Variants in ZNF585A observed in about 807,000 individuals in gnomAD.
The protein encoded by ZNF585A is zinc finger protein 585A.
Under a neutral mutation model 14.9 loss-of-function variants are expected in ZNF585A, and 9 were observed. The ratio of observed to expected loss-of-function variants is 0.60; its 90% confidence interval spans 0.36 to 1.05. The LOEUF (loss-of-function observed/expected upper bound fraction) is 1.05, where lower values mean the gene tolerates loss of function less well. Among genes scored for constraint, ZNF585A ranks in the 50% least tolerant of loss-of-function variants. The probability of loss-of-function intolerance (pLI) is 0.01; values close to 1 mark genes in which losing one functional copy is unlikely to be tolerated. For missense variants in ZNF585A, 726 were observed against 926.4 expected, an observed-to-expected ratio of 0.78 and a Z score of 2.81; for synonymous variants, 276 against 319.9, an observed-to-expected ratio of 0.86 and a Z score of 1.46.
intron 3 of ZNF585A, 125 bp downstream of exon 3, chr19:37,156,104 A>C: frequency 1.3e-6 from 2 of 1,552,130 alleles, no homozygotes; most frequent in Non-Finnish European, 1.7e-6. Context: ...CTAAACAAAT[A>C]AAGAATCCTA....
chr19:37,159,248 CAAAAAA>C (rs768272181), intron 2 of ZNF585A, among the ~76,000 whole-genome samples: 4 of 69,356 alleles, frequency 5.8e-5, no homozygotes, highest in African/African-American at 2.0e-4. Flanking sequence ...GACTCCATCT[CAAAAAA>C]AAAAAAAAAA....
chr19:37,164,641 G>C (rs937431527), intron 2 of ZNF585A, among the ~76,000 whole-genome samples: 1 of 152,086 alleles, frequency 6.6e-6, no homozygotes, highest in Non-Finnish European at 1.5e-5. Flanking sequence ...CTCTCGAAAA[G>C]TAAATTTCTC....
In ZNF585A at chr19:37,151,565, G is replaced by C. The variant is rs111776093; in HGVS notation, c.*24C>G. On this transcript the variant is annotated 3_prime_UTR_variant, in exon 5 of 5. Transcript: ENST00000292841. The stretch of plus-strand genomic sequence containing the variant: ...GTGTACAATCAGACCCAACCCTCAG[G>C]GGGGTTTTCTCACACTGTTTCTCTC... The C allele has an allele frequency of 6.3e-7, 1 of 1,589,898 alleles. No homozygotes were observed. Among genetic ancestry groups the C allele is most frequent in the Non-Finnish European group, 8.6e-7 (1 of 1,167,558 alleles).
intron 2 of ZNF585A, among the ~76,000 whole-genome samples, chr19:37,163,371 C>T (rs1042682549): frequency 6.7e-6 from 1 of 149,478 alleles, no homozygotes; most frequent in Non-Finnish European, 1.5e-5. Context: ...CAATTAACTG[C>T]TTAGGGAAAA....
At chr19:37,162,978 C>CA (rs938206158) in intron 2 of ZNF585A, among the ~76,000 whole-genome samples, 2 of 150,426 alleles carry the variant, frequency 1.3e-5, no homozygotes, top group African/African-American at 4.9e-5. Context: ...AAACTTAAAC[C>CA]AAAAAAAAAG....
chr19:37,165,771 C>T, intron 2 of ZNF585A: 1 of 418,310 alleles, frequency 2.4e-6, no homozygotes, highest in Non-Finnish European at 3.2e-6. Flanking sequence ...CCCAAAACTT[C>T]AGCATAATGA....
intron 2 of ZNF585A, among the ~76,000 whole-genome samples, chr19:37,164,272 G>C (rs1054894239): frequency 6.6e-6 from 1 of 151,970 alleles, no homozygotes; most frequent in Non-Finnish European, 1.5e-5. Flanking sequence ...GCGTGGTGGC[G>C]GGCGCCTGTA....
Position 37,147,466 on chromosome 19 carries a change from G to A in ZNF585A, c.*4123C>T, listed in dbSNP as rs1392950307. The A allele has an allele frequency of 6.6e-6, 1 of 152,102 alleles. No homozygotes were observed. The highest frequency in any genetic ancestry group is 1.5e-5 in the Non-Finnish European group (1 of 68,020). 9.4% of individuals were successfully genotyped at this position (152,102 alleles called of 1,614,324 possible). Reference sequence around the variant, plus strand: ...AGACTCTCTGGCCTCTTTTATTGTAGTTATATCTTTACACTACAAACATTA... The same window carrying A: ...AGACTCTCTGGCCTCTTTTATTGTAATTATATCTTTACACTACAAACATTA... On this transcript the variant is annotated 3_prime_UTR_variant, in exon 5 of 5. Coordinates refer to ENST00000292841, the MANE Select transcript of ZNF585A (RefSeq NM_001288800.2).
Position 37,147,780 on chromosome 19 carries a change from T to C in ZNF585A, c.*3809A>G, listed in dbSNP as rs1568490682. The C allele has an allele frequency of 6.6e-6, 1 of 152,338 alleles. No individual in the cohort carries two copies. The highest frequency in any genetic ancestry group is 1.9e-4 in the East Asian group (1 of 5,184). The allele number at this position is 152,338 out of a possible 1,614,324, so 9.4% of individuals were successfully genotyped here. On this transcript the variant is annotated 3_prime_UTR_variant, in exon 5 of 5. Transcript: ENST00000292841. Reference sequence around the variant, plus strand: ...CTTATAAATCTTTTATCAAATGTAATTCAAGTTATCACATGGTTTACCTAA... The same window carrying C: ...CTTATAAATCTTTTATCAAATGTAACTCAAGTTATCACATGGTTTACCTAA...
At chr19:37,168,668 A>G (rs1972134260) in intron 2 of ZNF585A, among the ~76,000 whole-genome samples, 2 of 152,386 alleles carry the variant, frequency 1.3e-5, no homozygotes, top group South Asian at 4.1e-4. Flanking sequence ...GTTCAGTGAA[A>G]TTCAGCTAGA....
chr19:37,152,421 G>A lies in ZNF585A; in HGVS notation c.1478C>T (p.Ser493Phe). 2 of 1,613,974 alleles carry A rather than the reference G, an allele frequency of 1.2e-6. No individual in the cohort carries two copies. Among genetic ancestry groups the A allele is most frequent in the Non-Finnish European group, 1.7e-6 (2 of 1,179,998 alleles). ...CTTTCCACATTTGGAACATATATAA[G>A]ATTTCTCTCCTGTATGAGTTTTCTG... The part of the protein sequence containing the change: ...THQKTHTGEK[S>F]YICSKCGKAF... The change falls in exon 5 of 5, where the codon TCT (serine) becomes TTT (phenylalanine). Residue 493 changes from serine (S) to phenylalanine (F), a missense_variant. Around this residue, in one of 2 missense-constraint regions of ZNF585A, gnomAD observed 243 missense variants for 383.6 expected, o/e 0.63. Transcript: ENST00000292841.
intron 2 of ZNF585A, among the ~76,000 whole-genome samples, chr19:37,167,589 T>TTTTATTTTA (rs1972113757): frequency 4.2e-5 from 6 of 144,154 alleles, no homozygotes; most frequent in African/African-American, 1.3e-4. Flanking sequence ...TTACTTTTTA[T>TTTTATTTTA]TTTTATTTTA....
chr19:37,153,218 T>C lies in ZNF585A; in HGVS notation c.681A>G (p.Ser227=), dbSNP rs768774194. Residue 227 remains serine (S), a synonymous_variant, in exon 5 of 5, where the codon TCA becomes TCG. Coordinates refer to ENST00000292841, the MANE Select transcript of ZNF585A (RefSeq NM_001288800.2). ...SQCGKGFSYN[S]DLSIHEKIHT... ...GAATTTTCTCATGTATACTGAGATC[T>C]GAGTTATAAGAGAAGCCTTTCCCAC... 6.2e-7 allele frequency: 1 copy of C among 1,614,240 alleles called. No homozygotes were observed. Among genetic ancestry groups the C allele is most frequent in the South Asian group, 1.1e-5 (1 of 91,084 alleles).
chr19:37,155,644 C>T (rs1410592711), intron 4 of ZNF585A, among the ~76,000 whole-genome samples: 1 of 151,842 alleles, frequency 6.6e-6, no homozygotes, highest in Non-Finnish European at 1.5e-5. Context: ...AACACAGCCC[C>T]GGCTGCGACC....
chr19:37,168,951 G>A (rs1172816113), intron 2 of ZNF585A, among the ~76,000 whole-genome samples: 2 of 152,136 alleles, frequency 1.3e-5, no homozygotes, highest in East Asian at 3.8e-4. Context: ...CCTGTATGTT[G>A]AGAAACATGG....
rs1316437575 is a variant in ZNF585A at position 37,169,948 on chromosome 19, C to G, written c.-38G>C. The G allele has an allele frequency of 4.4e-6, 7 of 1,600,120 alleles. No individual in the cohort carries two copies. The highest frequency in any genetic ancestry group is 6.0e-6 in the Non-Finnish European group (7 of 1,175,918). ...TCTCAACCCTTTTTCTGTAGGGTGTCTGAAGCTTGGCAGTCATCTGTGAAC... is the reference window on the plus strand; with the variant it reads ...TCTCAACCCTTTTTCTGTAGGGTGTGTGAAGCTTGGCAGTCATCTGTGAAC... On this transcript the variant is annotated 5_prime_UTR_variant, in exon 2 of 5. Coordinates refer to ENST00000292841, the MANE Select transcript of ZNF585A (RefSeq NM_001288800.2).
At chr19:37,161,641 CAA>C (rs1972015090) in intron 2 of ZNF585A, among the ~76,000 whole-genome samples, 1 of 152,130 alleles carries the variant, frequency 6.6e-6, no homozygotes, top group African/African-American at 2.4e-5. Context: ...CCAGCAAAAC[CAA>C]ACTCTCCTTT....
At chr19:37,170,515 C>T (rs1317154951) in intron 1 of ZNF585A, among the ~76,000 whole-genome samples, 2 of 152,220 alleles carry the variant, frequency 1.3e-5, no homozygotes, top group African/African-American at 4.8e-5. Context: ...GACGGAGTCT[C>T]GCTCTGTCGC....
chr19:37,156,156 C>T, intron 3 of ZNF585A, 73 bp downstream of exon 3: 1 of 1,587,650 alleles, frequency 6.3e-7, no homozygotes, highest in African/African-American at 1.3e-5. Context: ...AAGATGCGGA[C>T]AGCATTCACC....
Sources: allele counts gnomAD v4.1 joint callset (sites outside exome capture counted in the v4.1 genomes callset), GRCh38; gene constraint gnomAD v4.1.1; regional missense constraint gnomAD v4.1.1; transcripts MANE v1.5; gene names NCBI Gene and HGNC (gene_info 2026-07-23, HGNC 2026-07-21).